Variants in FAM72A observed in about 807,000 individuals in gnomAD.
The protein encoded by FAM72A is protein FAM72A.
FAM72A carries 1 observed loss-of-function variant against 11.3 expected under a neutral mutation model. The observed-to-expected ratio is 0.09, with a 90% CI of 0.03 to 0.42. The LOEUF is 0.42. Among genes scored for constraint, FAM72A ranks in the 10% least tolerant of loss-of-function variants. The pLI is 0.98. For missense variants in FAM72A, 15 were observed against 135.5 expected (o/e 0.11, Z 4.41); for synonymous variants, 5 against 46.9 (o/e 0.11, Z 3.65).
intron 2 of FAM72A, among the ~76,000 whole-genome samples, chr1:206,198,591 T>A (rs1553298687): frequency 6.6e-6 from 1 of 150,562 alleles, no homozygotes; most frequent in East Asian, 1.9e-4. Context: ...ACAAACCCCA[T>A]CTAAATGAGA....
intron 2 of FAM72A, among the ~76,000 whole-genome samples, chr1:206,196,127 G>A (rs1223965783): frequency 6.8e-6 from 1 of 146,310 alleles, no homozygotes; most frequent in East Asian, 2.0e-4. Context: ...TATTGAGACC[G>A]AGTTTTGCTC....
At chr1:206,187,449 A>G in intron 3 of FAM72A, 76 bp from the exon 4 acceptor site, 1 of 1,505,294 alleles carries the variant, frequency 6.6e-7, no homozygotes, top group Non-Finnish European at 9.2e-7. Context: ...GAAACTTTAT[A>G]TGTTAATATT....
At chr1:206,187,574 A>G (rs1664595214) in intron 3 of FAM72A, among the ~76,000 whole-genome samples, 1 of 152,036 alleles carries the variant, frequency 6.6e-6, no homozygotes, top group Non-Finnish European at 1.5e-5. Flanking sequence ...TTATTTTGAG[A>G]GAAATTCTCT....
At position 206,187,497 on chromosome 1, in the gene FAM72A, C is replaced by T; in HGVS notation, c.356-124G>A. On this transcript the variant is annotated intron_variant, in intron 3 of 3. Transcript: ENST00000367128. ...ATAGTGTTAGCAGTAAAAAGAGTAG[C>T]TATTGAAGAATGTACTGCAAATAAA... is the stretch of plus-strand genomic sequence containing the variant. 3 of 648,668 alleles carry T rather than the reference C, an allele frequency of 4.6e-6. No homozygotes were observed. The South Asian group carries it at 5.9e-5, about 13-fold the overall frequency. The allele number at this position is 648,668 out of a possible 1,614,324, so 40.2% of individuals were successfully genotyped here.
chr1:206,203,736 G>A (rs1481354858), upstream of FAM72A: 10 of 1,415,420 alleles, frequency 7.1e-6, no homozygotes, highest in South Asian at 1.1e-4. Context: ...GGGCGGGAAG[G>A]AGAGGGCGCG....
chr1:206,198,170 C>A, intron 2 of FAM72A, among the ~76,000 whole-genome samples: 1 of 149,464 alleles, frequency 6.7e-6, no homozygotes, highest in East Asian at 2.0e-4. Flanking sequence ...TTGAGAGCAG[C>A]CTGGGCAACA....
chr1:206,194,326 T>C (rs1553298070), intron 3 of FAM72A, among the ~76,000 whole-genome samples: 1 of 152,266 alleles, frequency 6.6e-6, no homozygotes, highest in African/African-American at 2.4e-5. Flanking sequence ...AAACGGTTTC[T>C]TGAGGTGAAA....
chr1:206,203,571 G>C (rs573474470), upstream of FAM72A: 5 of 576,214 alleles, frequency 8.7e-6, no homozygotes, highest in Non-Finnish European at 1.2e-5. Flanking sequence ...GCGTAGAAAC[G>C]GGTGGCGGGG....
At chr1:206,187,709 C>A (rs1169828806) in intron 3 of FAM72A, among the ~76,000 whole-genome samples, 1 of 152,034 alleles carries the variant, frequency 6.6e-6, no homozygotes. Flanking sequence ...GGACTACAGG[C>A]GTGTACTACC....
At position 206,187,523 on chromosome 1, in the gene FAM72A, A is replaced by G. The variant is rs570636116; in HGVS notation, c.356-150T>C. 1.6e-3 allele frequency: 1,012 copies of G among 616,456 alleles called. 7 individuals are homozygous for G. The highest frequency in any genetic ancestry group is 3.1e-3 in the Middle Eastern group (7 of 2,234). The allele number at this position is 616,456 out of a possible 1,614,324, so 38.2% of individuals were successfully genotyped here. ...TATTGAAGAATGTACTGCAAATAAA[A>G]TTACCTAATATTATCCATCTAGGAC... On this transcript the variant is annotated intron_variant, in intron 3 of 3. Transcript: ENST00000367128.
At chr1:206,188,749 TC>T (rs1416499972) in intron 3 of FAM72A, among the ~76,000 whole-genome samples, 2 of 128,420 alleles carry the variant, frequency 1.6e-5, no homozygotes, top group African/African-American at 6.1e-5. Flanking sequence ...CCTCAGGTGA[TC>T]CCCCTCGCCT....
intron 2 of FAM72A, among the ~76,000 whole-genome samples, chr1:206,196,187 G>A (rs1432043346): frequency 8.0e-6 from 1 of 125,340 alleles, no homozygotes; most frequent in Non-Finnish European, 1.7e-5. Flanking sequence ...AGGTTCAAGT[G>A]ATTCTCCTGC....
chr1:206,200,380 ATC>A (rs1363455374), intron 1 of FAM72A, among the ~76,000 whole-genome samples: 1 of 142,398 alleles, frequency 7.0e-6, no homozygotes, highest in African/African-American at 2.8e-5. Context: ...CAACATAAAC[ATC>A]TGACAAATTT....
intron 3 of FAM72A, among the ~76,000 whole-genome samples, chr1:206,191,721 A>ATTTTT (rs1268885347): frequency 6.1e-5 from 6 of 98,804 alleles, no homozygotes; most frequent in African/African-American, 1.7e-4. Context: ...TTACTAAAAT[A>ATTTTT]TTATTTTTTT....
chr1:206,198,472 T>G (rs1665189117), intron 2 of FAM72A, among the ~76,000 whole-genome samples: 1 of 146,216 alleles, frequency 6.8e-6, no homozygotes, highest in African/African-American at 2.5e-5. Context: ...TACTAGTTCC[T>G]CAATACAAGT....
At chr1:206,191,753 G>T (rs1553297645) in intron 3 of FAM72A, among the ~76,000 whole-genome samples, 1 of 138,330 alleles carries the variant, frequency 7.2e-6, no homozygotes, top group Non-Finnish European at 1.5e-5. Flanking sequence ...TTTGAGACAG[G>T]GTCTCACTCT....
intron 3 of FAM72A, among the ~76,000 whole-genome samples, chr1:206,191,298 CAAAAAAAAAA>C (rs147872269): frequency 6.5e-5 from 3 of 46,316 alleles, no homozygotes; most frequent in Non-Finnish European, 1.1e-4. Context: ...GACTCCATCT[CAAAAAAAAAA>C]AAAAAAAAAG....
chr1:206,203,287 C>A (rs531497381), upstream of FAM72A: 3 of 397,888 alleles, frequency 7.5e-6, no homozygotes, highest in African/African-American at 4.1e-5. Context: ...GTCGTCGGTT[C>A]CACCTTAATC....
upstream of FAM72A, chr1:206,203,788 C>T (rs1665563642): frequency 3.9e-6 from 6 of 1,527,866 alleles, no homozygotes; most frequent in African/African-American, 2.8e-5. Flanking sequence ...CGCCCGGAAT[C>T]CCTCAGACCG....
Sources: gnomAD v4.1 joint callset for allele counts (sites outside exome capture counted in the v4.1 genomes callset) on GRCh38, gnomAD v4.1.1 for gene constraint, MANE v1.5 for transcripts, NCBI Gene and HGNC (gene_info 2026-07-23, HGNC 2026-07-21) for gene names.